RORA: variants seen among roughly 807,000 people sequenced by gnomAD.
RORA encodes RAR related orphan receptor A, also known as nuclear receptor ROR-alpha.
In RORA, 7 loss-of-function variants were observed where a neutral mutation model predicts 69.5. That is an observed-to-expected ratio of 0.10 (90% CI 0.06 to 0.19). The LOEUF (loss-of-function observed/expected upper bound fraction) is 0.19, where lower values mean the gene tolerates loss of function less well. RORA is among the 10% of genes least tolerant of loss of function. The probability of loss-of-function intolerance (pLI) is 1.00; values close to 1 mark genes in which losing one functional copy is unlikely to be tolerated. For synonymous variants in RORA, 261 were observed against 240.8 expected, an observed-to-expected ratio of 1.08 and a Z score of -0.78; for missense variants, 457 against 663.0, an observed-to-expected ratio of 0.69 and a Z score of 3.41.
intron 1 of RORA, among the ~76,000 whole-genome samples, chr15:61,110,626 T>C (rs2078997216): frequency 6.6e-6 from 1 of 152,126 alleles, no homozygotes; most frequent in East Asian, 1.9e-4. Context: ...TCAATGCCTG[T>C]TATTGCCCTT....
In RORA at chr15:60,494,500, A is replaced by G. The variant is rs1351121823; in HGVS notation, c.*2955T>C. The G allele has an allele frequency of 6.6e-6, 1 of 152,272 alleles. No homozygotes were observed. The highest frequency in any genetic ancestry group is 6.5e-5 in the Admixed American group (1 of 15,294). The allele number at this position is 152,272 out of a possible 1,614,324, so 9.4% of individuals were successfully genotyped here. A position where few individuals can be genotyped will look rare whatever the true frequency, so the allele number is the denominator to read the frequency against. On this transcript the variant is annotated 3_prime_UTR_variant, in exon 11 of 11. Transcript: ENST00000335670. Reference sequence around the variant, plus strand: ...TGTTCTGATATCACCCAAGTATTTTATGTCATCACATAGGTGTTTTTGTAA... The same window carrying G: ...TGTTCTGATATCACCCAAGTATTTTGTGTCATCACATAGGTGTTTTTGTAA...
intron 1 of RORA, among the ~76,000 whole-genome samples, chr15:60,686,152 C>G (rs1483146219): frequency 6.6e-6 from 1 of 152,136 alleles, no homozygotes; most frequent in African/African-American, 2.4e-5. Flanking sequence ...GACAGGCAGA[C>G]CAGAAGTATG....
At chr15:60,790,610 G>A (rs546936428) in intron 1 of RORA, among the ~76,000 whole-genome samples, 60 of 152,276 alleles carry the variant, frequency 3.9e-4, no homozygotes, top group African/African-American at 1.3e-3. Flanking sequence ...AACATTCCTC[G>A]TCTTTGTGTG....
intron 1 of RORA, among the ~76,000 whole-genome samples, chr15:61,027,081 T>C (rs1366272515): frequency 3.9e-5 from 6 of 152,116 alleles, no homozygotes; most frequent in African/African-American, 1.2e-4. Flanking sequence ...CTGTATTTGG[T>C]TGAATTATAA....
intron 1 of RORA, among the ~76,000 whole-genome samples, chr15:61,159,672 C>T (rs956639740): frequency 6.6e-6 from 1 of 152,146 alleles, no homozygotes; most frequent in Admixed American, 6.5e-5. Flanking sequence ...GACATATTGA[C>T]TGTGGATAAT....
intron 1 of RORA, among the ~76,000 whole-genome samples, chr15:60,949,433 C>G (rs140241235): frequency 1.3e-3 from 201 of 152,326 alleles, no homozygotes; most frequent in African/African-American, 4.5e-3. Flanking sequence ...TGTTCCCTCC[C>G]CACTCCATTC....
chr15:61,045,762 C>T (rs1007976277), intron 1 of RORA, among the ~76,000 whole-genome samples: 4 of 152,252 alleles, frequency 2.6e-5, no homozygotes, highest in Non-Finnish European at 5.9e-5. Flanking sequence ...GACTGGCCTA[C>T]ATCCCTACTC....
chr15:61,137,061 A>AAG (rs2140856544), intron 1 of RORA, among the ~76,000 whole-genome samples: 1 of 149,294 alleles, frequency 6.7e-6, no homozygotes, highest in East Asian at 2.0e-4. Flanking sequence ...GAAAGAAAGA[A>AAG]AGAAAGAAAG....
At chr15:60,947,456 T>C (rs1892928971) in intron 1 of RORA, among the ~76,000 whole-genome samples, 1 of 152,016 alleles carries the variant, frequency 6.6e-6, no homozygotes, top group East Asian at 1.9e-4. Flanking sequence ...TTAAGGGCGG[T>C]GCAAGATGTG....
chr15:61,029,285 T>G (rs530096320), intron 1 of RORA, among the ~76,000 whole-genome samples: 1 of 151,878 alleles, frequency 6.6e-6, no homozygotes, highest in East Asian at 1.9e-4. Flanking sequence ...GGAGGACACA[T>G]GACGAGCACC....
intron 1 of RORA, among the ~76,000 whole-genome samples, chr15:60,777,078 G>C (rs527524971): frequency 2.0e-5 from 3 of 152,282 alleles, no homozygotes; most frequent in African/African-American, 7.2e-5. Context: ...ATAAATGAAT[G>C]AATGTTATTA....
chr15:60,498,673 A>G (rs2065235713), intron 10 of RORA, among the ~76,000 whole-genome samples: 1 of 152,240 alleles, frequency 6.6e-6, no homozygotes, highest in Non-Finnish European at 1.5e-5. Flanking sequence ...AGTGCTGTTT[A>G]TAATCAGAGA....
At position 60,492,006 on chromosome 15, in the gene RORA, C is replaced by G. The variant is rs1024872867; in HGVS notation, c.*5449G>C. 5.1e-5 allele frequency: 3 copies of G among 58,526 alleles called. No individual in the cohort carries two copies. The highest frequency in any genetic ancestry group is 1.7e-4 in the African/African-American group (3 of 17,606). 3.6% of individuals were successfully genotyped at this position (58,526 alleles called of 1,614,324 possible). On this transcript the variant is annotated 3_prime_UTR_variant, in exon 11 of 11. Coordinates refer to ENST00000335670, the MANE Select transcript of RORA (RefSeq NM_134261.3). ...ATAACTTTATAAGAAGTGGCAATCA[C>G]ATGTTATGTAAAAATGTCAACGTGT...
At chr15:60,719,400 G>A (rs1406850463) in intron 1 of RORA, among the ~76,000 whole-genome samples, 1 of 152,124 alleles carries the variant, frequency 6.6e-6, no homozygotes, top group Non-Finnish European at 1.5e-5. Context: ...CTGGAGCACT[G>A]CACTTTCTCT....
chr15:60,798,743 T>G (rs1369213597), intron 1 of RORA, among the ~76,000 whole-genome samples: 8 of 152,076 alleles, frequency 5.3e-5, no homozygotes, highest in Admixed American at 5.2e-4. Context: ...AAGCCAGACC[T>G]TGCTACTTAT....
chr15:60,939,609 G>A (rs537499999), intron 1 of RORA, among the ~76,000 whole-genome samples: 12 of 152,210 alleles, frequency 7.9e-5, no homozygotes, highest in Non-Finnish European at 1.6e-4. Flanking sequence ...CAGGGCGGCC[G>A]TGTCGGCCAT....
intron 2 of RORA, among the ~76,000 whole-genome samples, chr15:60,660,468 T>C (rs117569500): frequency 2.7e-3 from 416 of 152,314 alleles, no homozygotes; most frequent in Non-Finnish European, 4.3e-3. Context: ...AAGCTGGATT[T>C]CTTAGACCGT....
At chr15:60,932,044 T>TA (rs397853883) in intron 1 of RORA, among the ~76,000 whole-genome samples, 1 of 151,984 alleles carries the variant, frequency 6.6e-6, no homozygotes, top group Non-Finnish European at 1.5e-5. Context: ...TTTTTTTTTT[T>TA]AAATGAAGAT....
At chr15:60,696,941 C>T (rs1471016994) in intron 1 of RORA, among the ~76,000 whole-genome samples, 2 of 152,106 alleles carry the variant, frequency 1.3e-5, no homozygotes, top group African/African-American at 4.8e-5. Flanking sequence ...GATCATTTTT[C>T]AAATCGACTT....
Sources: allele counts gnomAD v4.1 joint callset (sites outside exome capture counted in the v4.1 genomes callset), GRCh38; gene constraint gnomAD v4.1.1; transcripts MANE v1.5; gene names NCBI Gene and HGNC (gene_info 2026-07-23, HGNC 2026-07-21).